The following NPY2R variants were observed in gnomAD, a reference collection of about 807,000 sequenced individuals.
The protein encoded by NPY2R is neuropeptide Y receptor type 2.
A neutral mutation model predicts 22.3 loss-of-function variants in NPY2R; 17 were observed. That is an observed-to-expected ratio of 0.76 (90% CI 0.52 to 1.14). The LOEUF (loss-of-function observed/expected upper bound fraction) is 1.14, where lower values mean the gene tolerates loss of function less well. Among genes scored for constraint, NPY2R ranks in the 50% most tolerant of loss-of-function variants. The probability of loss-of-function intolerance (pLI) is 0.00; values close to 1 mark genes in which losing one functional copy is unlikely to be tolerated. For synonymous variants in NPY2R, 209 were observed against 183.4 expected (o/e 1.14, Z -1.13); for missense variants, 424 against 467.9 (o/e 0.91, Z 0.87).
At chr4:155,200,087 T>A in the NPY2R span, among the ~76,000 whole-genome samples, 3 of 152,128 alleles carry the variant, frequency 2.0e-5, no homozygotes, top group Non-Finnish European at 4.4e-5. Context: ...TGAGACAAGT[T>A]TGCAATATAC....
the NPY2R span, among the ~76,000 whole-genome samples, chr4:155,191,992 C>G: frequency 6.6e-6 from 1 of 151,858 alleles, no homozygotes; most frequent in Non-Finnish European, 1.5e-5. Flanking sequence ...CTTTATGCAT[C>G]ATTGTATGCA....
chr4:155,196,650 G>A, the NPY2R span, among the ~76,000 whole-genome samples: 19 of 151,918 alleles, frequency 1.3e-4, no homozygotes, highest in African/African-American at 4.3e-4. Context: ...CTTTTAATAA[G>A]GGAATAGGGA....
At chr4:155,191,472 A>G in the NPY2R span, among the ~76,000 whole-genome samples, 1 of 151,802 alleles carries the variant, frequency 6.6e-6, no homozygotes, top group South Asian at 2.1e-4. Context: ...TTATGTGAAA[A>G]CTTTCCCATT....
the NPY2R span, among the ~76,000 whole-genome samples, chr4:155,185,669 ATT>A: frequency 2.0e-4 from 30 of 146,642 alleles, no homozygotes; most frequent in African/African-American, 3.0e-4. Context: ...AAAGAAATGC[ATT>A]TTTTTTTTTT....
the NPY2R span, among the ~76,000 whole-genome samples, chr4:155,178,920 G>T: frequency 1.3e-5 from 2 of 151,996 alleles, no homozygotes; most frequent in Non-Finnish European, 2.9e-5. Context: ...TTTCTTCACA[G>T]GTCACCGAGT....
At chr4:155,188,693 T>C in the NPY2R span, among the ~76,000 whole-genome samples, 2 of 152,104 alleles carry the variant, frequency 1.3e-5, no homozygotes, top group Admixed American at 6.6e-5. Flanking sequence ...AGGCAACAGC[T>C]AGCAAGGAGA....
chr4:155,181,751 A>T, the NPY2R span, among the ~76,000 whole-genome samples: 1 of 152,164 alleles, frequency 6.6e-6, no homozygotes, highest in Non-Finnish European at 1.5e-5. Context: ...ATGGTGAGAA[A>T]GTTGTCTACA....
At position 155,216,325 on chromosome 4, in the gene NPY2R, A is replaced by AT. The variant is rs1326896715; in HGVS notation, c.*1246dup. 2 of 166,616 alleles carry AT rather than the reference A, an allele frequency of 1.2e-5. No homozygotes were observed. The highest frequency in any genetic ancestry group is 2.9e-5 in the Non-Finnish European group (2 of 67,994). 10.3% of individuals were successfully genotyped at this position (166,616 alleles called of 1,614,324 possible). A position where few individuals can be genotyped will look rare whatever the true frequency, so the allele number is the denominator to read the frequency against. ...AATTGTAGAACATAGATGCTACAGT[A>AT]TTTTTTATTTAATTATATTATGAAT... On this transcript the variant is annotated 3_prime_UTR_variant, in exon 2 of 2. Coordinates refer to ENST00000329476, the MANE Select transcript of NPY2R (RefSeq NM_000910.4).
chr4:155,214,110 C>T lies in NPY2R; in HGVS notation c.171C>T (p.Tyr57=). 1 of 1,613,926 alleles carries T rather than the reference C, an allele frequency of 6.2e-7. No individual in the cohort carries two copies. The highest frequency in any genetic ancestry group is 8.5e-7 in the Non-Finnish European group (1 of 1,179,766). The change falls in exon 2 of 2, where the codon TAC becomes TAT. Residue 57 remains tyrosine (Y), a synonymous_variant. Transcript: ENST00000329476. ...TACAAGTTGTTCTCATATTGGCCTA[C>T]TGCTCCATCATCTTGCTTGGGGTAA... is the stretch of plus-strand genomic sequence containing the variant. ...IEVQVVLILA[Y]CSIILLGVIG...
In NPY2R at chr4:155,214,680, G is replaced by A; in HGVS notation, c.741G>A (p.Lys247=). Residue 247 remains lysine (K), a synonymous_variant, in exon 2 of 2, where the codon AAG becomes AAA. Coordinates refer to ENST00000329476, the MANE Select transcript of NPY2R (RefSeq NM_000910.4). Reference sequence around the variant, plus strand: ...ACACTCGCATTTGGAGTAAATTGAAGAACCATGTCAGTCCTGGAGCTGCAA... The same window carrying A: ...ACACTCGCATTTGGAGTAAATTGAAAAACCATGTCAGTCCTGGAGCTGCAA... ...FSYTRIWSKL[K]NHVSPGAAND... 6.2e-7 allele frequency: 1 copy of A among 1,614,224 alleles called. No individual in the cohort carries two copies. Among genetic ancestry groups the A allele is most frequent in the South Asian group, 1.1e-5 (1 of 91,084 alleles).
chr4:155,194,729 C>T, the NPY2R span, among the ~76,000 whole-genome samples: 25 of 152,046 alleles, frequency 1.6e-4, no homozygotes, highest in African/African-American at 6.0e-4. Flanking sequence ...TTTTGGTAGA[C>T]AATTTATATT....
At chr4:155,183,181 T>A in the NPY2R span, among the ~76,000 whole-genome samples, 1 of 152,162 alleles carries the variant, frequency 6.6e-6, no homozygotes, top group South Asian at 2.1e-4. Context: ...TTAAAAGCAA[T>A]TCTGTGGCCT....
At chr4:155,200,505 A>G in the NPY2R span, among the ~76,000 whole-genome samples, 1 of 152,196 alleles carries the variant, frequency 6.6e-6, no homozygotes, top group Non-Finnish European at 1.5e-5. Flanking sequence ...ATTACTGGGT[A>G]TATACTCAAA....
the NPY2R span, among the ~76,000 whole-genome samples, chr4:155,200,815 G>C: frequency 6.6e-6 from 1 of 152,038 alleles, no homozygotes; most frequent in East Asian, 1.9e-4. Context: ...AGAACACATG[G>C]ACACAGGGAG....
chr4:155,214,345 G>C lies in NPY2R; in HGVS notation c.406G>C (p.Val136Leu), dbSNP rs1213575566. 1 of 1,614,146 alleles carries C rather than the reference G, an allele frequency of 6.2e-7. No individual in the cohort carries two copies. The highest frequency in any genetic ancestry group is 8.5e-7 in the Non-Finnish European group (1 of 1,180,034). The change falls in exon 2 of 2, where the codon GTA becomes CTA. Residue 136 changes from valine (V) to leucine (L), a missense_variant. Coordinates refer to ENST00000329476, the MANE Select transcript of NPY2R (RefSeq NM_000910.4). Reference protein sequence around the residue: ...VPYAQGLAVQVSTITLTVIAL... With the variant: ...VPYAQGLAVQLSTITLTVIAL... ...CTATGCCCAGGGCCTGGCAGTACAA[G>C]TATCCACAATCACCTTGACAGTAAT...
chr4:155,175,163 C>T, the NPY2R span, among the ~76,000 whole-genome samples: 10 of 152,120 alleles, frequency 6.6e-5, no homozygotes, highest in African/African-American at 2.4e-4. Context: ...ATCATTAAGG[C>T]AAATTTCGCC....
At chr4:155,175,070 C>A in the NPY2R span, among the ~76,000 whole-genome samples, 7 of 152,192 alleles carry the variant, frequency 4.6e-5, no homozygotes, top group South Asian at 1.5e-3. Flanking sequence ...ACCCACCTTG[C>A]TCTTCTATCA....
chr4:155,214,073 A>G lies in NPY2R; in HGVS notation c.134A>G (p.Lys45Arg), dbSNP rs759955067. 7 of 1,613,900 alleles carry G rather than the reference A, an allele frequency of 4.3e-6. No individual in the cohort carries two copies. The highest frequency in any genetic ancestry group is 5.9e-6 in the Non-Finnish European group (7 of 1,179,912). The part of the protein sequence containing the change: ...DPEPELIDST[K>R]LIEVQVVLIL... ...GAGCCAGAGCTTATAGATAGTACCAAGCTGATTGAGGTACAAGTTGTTCTC... is the reference window on the plus strand; with the variant it reads ...GAGCCAGAGCTTATAGATAGTACCAGGCTGATTGAGGTACAAGTTGTTCTC... Residue 45 changes from lysine to arginine, a missense_variant, in exon 2 of 2, where the codon AAG (lysine) becomes AGG (arginine). By Grantham distance (26) the Lys-to-Arg change is conservative. Transcript: ENST00000329476.
At chr4:155,191,774 A>G in the NPY2R span, among the ~76,000 whole-genome samples, 4 of 151,810 alleles carry the variant, frequency 2.6e-5, no homozygotes, top group African/African-American at 9.7e-5. Context: ...TACTTATAAC[A>G]TTGCAACTTA....
Sources: allele counts gnomAD v4.1 joint callset (sites outside exome capture counted in the v4.1 genomes callset), GRCh38; gene constraint gnomAD v4.1.1; transcripts MANE v1.5; gene names NCBI Gene and HGNC (gene_info 2026-07-23, HGNC 2026-07-21).